Variants in NRG3 observed in about 807,000 individuals in gnomAD.
The protein encoded by NRG3 is pro-neuregulin-3, membrane-bound isoform.
Under a neutral mutation model 66.9 loss-of-function variants are expected in NRG3, and 31 were observed. The observed-to-expected ratio is 0.46, with a 90% CI of 0.35 to 0.63. The LOEUF (loss-of-function observed/expected upper bound fraction) is 0.63, where lower values mean the gene tolerates loss of function less well. Ranked by LOEUF, NRG3 falls within the 20% of genes least tolerant of loss-of-function variation. NRG3 has a pLI of 0.00. For missense variants in NRG3, 910 were observed against 878.9 expected (o/e 1.04, Z -0.45); for synonymous variants, 393 against 359.4 (o/e 1.09, Z -1.06).
intron 2 of NRG3, among the ~76,000 whole-genome samples, chr10:82,659,580 G>T (rs920476178): frequency 3.9e-5 from 6 of 152,160 alleles, no homozygotes; most frequent in African/African-American, 1.4e-4. Context: ...GGGGGTGAAG[G>T]TTGCAGAGAG....
chr10:82,673,020 G>T (rs1213545600), intron 2 of NRG3, among the ~76,000 whole-genome samples: 1 of 152,172 alleles, frequency 6.6e-6, no homozygotes, highest in African/African-American at 2.4e-5. Context: ...CAAAGTGTTG[G>T]GATTACAGGC....
At position 82,370,640 on chromosome 10, in the gene NRG3, A is replaced by G. The variant is rs139194725; in HGVS notation, c.953+11772A>G. Among the ~76,000 whole-genome samples, 610 of 152,284 alleles carry G rather than the reference A, an allele frequency of 4.0e-3. 1 individual carries two copies. Among genetic ancestry groups the G allele is most frequent in the African/African-American group, 0.014 (577 of 41,550 alleles). ...CATTTCCTGTCCGTATCAATAAGGT[A>G]GAAGAGAGCGCCCTAAAACCCATTC... is the stretch of plus-strand genomic sequence containing the variant. On this transcript the variant is annotated intron_variant, in intron 2 of 8. Transcript: ENST00000372141.
chr10:82,645,448 A>G (rs1386529551), intron 2 of NRG3, among the ~76,000 whole-genome samples: 7 of 152,162 alleles, frequency 4.6e-5, no homozygotes, highest in Non-Finnish European at 1.0e-4. Context: ...GGTCCTCTCA[A>G]CAGTTCCTGG....
At chr10:82,690,476 A>C (rs929164929) in intron 2 of NRG3, among the ~76,000 whole-genome samples, 2 of 152,154 alleles carry the variant, frequency 1.3e-5, no homozygotes, top group Non-Finnish European at 2.9e-5. Context: ...TGCTATCCTC[A>C]TCCTCCAAAA....
chr10:82,400,932 C>T (rs971578004), intron 2 of NRG3, among the ~76,000 whole-genome samples: 2 of 152,106 alleles, frequency 1.3e-5, no homozygotes, highest in African/African-American at 4.8e-5. Flanking sequence ...TTCAAAATTG[C>T]AAGTGCATCT....
chr10:82,896,416 C>T (rs1388112832), intron 4 of NRG3, among the ~76,000 whole-genome samples: 4 of 152,164 alleles, frequency 2.6e-5, no homozygotes. Flanking sequence ...AATCAAGGAT[C>T]TGTAGAATCT....
rs1176637826 is a variant in NRG3 at position 82,961,215 on chromosome 10, T to G, written c.1284+2140T>G. 2.6e-5 allele frequency among the ~76,000 whole-genome samples: 4 copies of G among 152,226 alleles called. No homozygotes were observed. The East Asian group carries it at 7.7e-4, about 29-fold the overall frequency. The stretch of plus-strand genomic sequence containing the variant: ...TATAAACGTAATAAGGTGAAAAGTT[T>G]GTACCTTGAAATCTACAAACATTGA... On this transcript the variant is annotated intron_variant, in intron 6 of 8. Coordinates refer to ENST00000372141, the MANE Select transcript of NRG3 (RefSeq NM_001010848.4).
chr10:82,419,699 A>G (rs2088916109), intron 2 of NRG3, among the ~76,000 whole-genome samples: 1 of 152,200 alleles, frequency 6.6e-6, no homozygotes, highest in South Asian at 2.1e-4. Flanking sequence ...CTAAAAGTTC[A>G]TCAAATAAAA....
At chr10:82,019,015 G>A (rs2061927881) in intron 1 of NRG3, among the ~76,000 whole-genome samples, 1 of 152,138 alleles carries the variant, frequency 6.6e-6, no homozygotes, top group African/African-American at 2.4e-5. Flanking sequence ...TCTTGTGCCA[G>A]TTTTCAAAGG....
intron 3 of NRG3, among the ~76,000 whole-genome samples, chr10:82,798,463 G>C (rs7100577): frequency 0.52 from 78,842 of 151,842 alleles, 22,091 homozygotes; most frequent in African/African-American, 0.75. Context: ...CTGCTCTATA[G>C]TTGTGAGATA....
At chr10:82,084,097 G>A (rs940918951) in intron 1 of NRG3, among the ~76,000 whole-genome samples, 3 of 151,752 alleles carry the variant, frequency 2.0e-5, no homozygotes, top group South Asian at 2.1e-4. Flanking sequence ...GTGTGGTGGC[G>A]TGTGCCTGTA....
chr10:82,655,694 A>G (rs546195707), intron 2 of NRG3, among the ~76,000 whole-genome samples: 10 of 152,210 alleles, frequency 6.6e-5, no homozygotes, highest in Non-Finnish European at 1.3e-4. Flanking sequence ...TGATTACAGT[A>G]TTGTTTGAAA....
intron 2 of NRG3, among the ~76,000 whole-genome samples, chr10:82,702,386 GAAC>G (rs2055953575): frequency 1.3e-5 from 2 of 152,054 alleles, no homozygotes; most frequent in African/African-American, 4.8e-5. Context: ...TTAAAATTTG[GAAC>G]AACGATAATT....
At position 81,921,917 on chromosome 10, in the gene NRG3, GTC is replaced by G. The variant is rs542507299; in HGVS notation, c.823+45760_823+45761del. On this transcript the variant is annotated intron_variant, in intron 1 of 8. Transcript: ENST00000372141. ...CATTTTTTATCCTATAGCAACATTT[GTC>G]TCTCTATTCAAGCCTTCTTTTCTGT... 1.2e-3 allele frequency among the ~76,000 whole-genome samples: 177 copies of G among 152,132 alleles called. 1 individual carries two copies. The highest frequency in any genetic ancestry group is 0.01 in the Middle Eastern group (3 of 294).
At chr10:82,504,329 G>A (rs1321827587) in intron 2 of NRG3, among the ~76,000 whole-genome samples, 2 of 152,196 alleles carry the variant, frequency 1.3e-5, no homozygotes, top group African/African-American at 4.8e-5. Flanking sequence ...GTATCACACT[G>A]TTATCAACAC....
At chr10:82,728,233 T>A (rs1591331828) in intron 2 of NRG3, among the ~76,000 whole-genome samples, 1 of 152,028 alleles carries the variant, frequency 6.6e-6, no homozygotes, top group Non-Finnish European at 1.5e-5. Flanking sequence ...AAATGTGAGG[T>A]CATGAGATTT....
At chr10:82,396,571 G>T (rs928365755) in intron 2 of NRG3, among the ~76,000 whole-genome samples, 4 of 152,114 alleles carry the variant, frequency 2.6e-5, no homozygotes, top group African/African-American at 9.7e-5. Context: ...GCAACCAATC[G>T]CTGACTGACT....
At chr10:82,213,844 T>C (rs1032174930) in intron 1 of NRG3, among the ~76,000 whole-genome samples, 1 of 152,200 alleles carries the variant, frequency 6.6e-6, no homozygotes, top group Non-Finnish European at 1.5e-5. Flanking sequence ...TGTTTTGTTA[T>C]CATTTTATAT....
At position 82,047,696 on chromosome 10, in the gene NRG3, T is replaced by C. The variant is rs1279652440; in HGVS notation, c.823+171533T>C. Among the ~76,000 whole-genome samples, 12 of 150,766 alleles carry C rather than the reference T, an allele frequency of 8.0e-5. No homozygotes were observed. The South Asian group carries it at 2.6e-3, about 32-fold the overall frequency. The stretch of plus-strand genomic sequence containing the variant: ...ACTAGGAAGAAACTGCATCAACTAA[T>C]GAGCAAAACAACCAGCTAACATCAT... On this transcript the variant is annotated intron_variant, in intron 1 of 8. Transcript: ENST00000372141.
Sources: gnomAD v4.1 joint callset for allele counts (sites outside exome capture counted in the v4.1 genomes callset) on GRCh38, gnomAD v4.1.1 for gene constraint, MANE v1.5 for transcripts, NCBI Gene and HGNC (gene_info 2026-07-23, HGNC 2026-07-21) for gene names.